ZNF770: variants seen among roughly 807,000 people sequenced by gnomAD.
The protein encoded by ZNF770 is zinc finger protein 770.
ZNF770 carries 13 observed loss-of-function variants against 44.8 expected under a neutral mutation model. The observed-to-expected ratio is 0.29, with a 90% CI of 0.19 to 0.46. The LOEUF (loss-of-function observed/expected upper bound fraction) is 0.46. Ranked by LOEUF, ZNF770 falls within the 20% of genes least tolerant of loss-of-function variation. The probability of loss-of-function intolerance (pLI) is 1.00; values close to 1 mark genes in which losing one functional copy is unlikely to be tolerated. For missense variants in ZNF770, 681 were observed against 797.9 expected (o/e 0.85, Z 1.77); for synonymous variants, 304 against 271.8 (o/e 1.12, Z -1.17).
chr15:34,981,449 G>A lies in ZNF770; in HGVS notation c.1986C>T (p.Phe662=), dbSNP rs2050400901. 6.2e-7 allele frequency: 1 copy of A among 1,614,164 alleles called. No homozygotes were observed. The highest frequency in any genetic ancestry group is 8.5e-7 in the Non-Finnish European group (1 of 1,180,034). The change falls in exon 3 of 3, where the codon TTC becomes TTT. Residue 662 remains phenylalanine, a synonymous_variant. Transcript: ENST00000356321. ...PFECSVCGKT[F]RQAPHWKRHQ... ...GTCTCTTCCAGTGAGGAGCCTGTCT[G>A]AATGTTTTGCCACAAACTGAGCATT... is the stretch of plus-strand genomic sequence containing the variant.
intron 2 of ZNF770, 58 bp from the exon 3 acceptor site, chr15:34,983,548 A>G (rs1347887094): frequency 1.0e-6 from 1 of 982,088 alleles, no homozygotes; most frequent in Non-Finnish European, 1.4e-6. Context: ...TATGAAAAGT[A>G]ACTTAAGTTG....
chr15:34,979,858 T>C lies in ZNF770; in HGVS notation c.*1501A>G. On this transcript the variant is annotated 3_prime_UTR_variant, in exon 3 of 3. Coordinates refer to ENST00000356321, the MANE Select transcript of ZNF770 (RefSeq NM_014106.4). ...CTAGAGAATGTCATTCCTGAAGATT[T>C]TATAAACAAAGGCAAATATGAAGGA... is the stretch of plus-strand genomic sequence containing the variant. 3.2e-6 allele frequency: 1 copy of C among 309,412 alleles called. No homozygotes were observed. The highest frequency in any genetic ancestry group is 6.3e-6 in the Non-Finnish European group (1 of 157,940). The allele number at this position is 309,412 out of a possible 1,614,324, so 19.2% of individuals were successfully genotyped here.
chr15:34,985,558 G>A (rs894840495), intron 2 of ZNF770, among the ~76,000 whole-genome samples: 2 of 152,118 alleles, frequency 1.3e-5, no homozygotes, highest in Non-Finnish European at 2.9e-5. Flanking sequence ...TTAATGGATT[G>A]TGAATTCAAC....
rs766204544 is a variant in ZNF770, at chr15:34,979,673, CT to C, written c.*1685del. The C allele has an allele frequency of 1.9e-3, 846 of 448,692 alleles. 4 individuals are homozygous for C. Among genetic ancestry groups the C allele is most frequent in the South Asian group, 2.6e-3 (161 of 63,128 alleles). 27.8% of individuals were successfully genotyped at this position (448,692 alleles called of 1,614,324 possible). Reference sequence around the variant, plus strand: ...ACCTACTATCCCTCCCGCCTCCCCCCTGTCAAAAGAAAGTTCTCAGTTTATG... The same window carrying C: ...ACCTACTATCCCTCCCGCCTCCCCCCGTCAAAAGAAAGTTCTCAGTTTATG... On this transcript the variant is annotated 3_prime_UTR_variant, in exon 3 of 3. Coordinates refer to ENST00000356321, the MANE Select transcript of ZNF770 (RefSeq NM_014106.4).
At chr15:34,984,664 A>G (rs1296765404) in intron 2 of ZNF770, among the ~76,000 whole-genome samples, 1 of 151,970 alleles carries the variant, frequency 6.6e-6, no homozygotes, top group Non-Finnish European at 1.5e-5. Context: ...AAAAAAAAAA[A>G]ATTCTCCTTT....
rs1422226644 is a variant in ZNF770, at chr15:34,982,594, T to C, written c.841A>G (p.Asn281Asp). ...ATTGAGTGGACATCAAGTGGATTAT[T>C]CTCCTCAGATTCACCAATCTCACCA... Reference protein sequence around the residue: ...ENGEIGESEENNPLDVHSIYI... With the variant: ...ENGEIGESEEDNPLDVHSIYI... The change falls in exon 3 of 3, where the codon AAT becomes GAT. Residue 281 changes from asparagine (N) to aspartate (D), a missense_variant. Coordinates refer to ENST00000356321, the MANE Select transcript of ZNF770 (RefSeq NM_014106.4). 1.9e-6 allele frequency: 3 copies of C among 1,613,648 alleles called. No individual in the cohort carries two copies. The highest frequency in any genetic ancestry group is 2.5e-6 in the Non-Finnish European group (3 of 1,180,004).
rs549360179 is a variant in ZNF770, at chr15:34,981,719, T to C, written c.1716A>G (p.Ser572=). 6.2e-7 allele frequency: 1 copy of C among 1,614,122 alleles called. No homozygotes were observed. The highest frequency in any genetic ancestry group is 8.5e-7 in the Non-Finnish European group (1 of 1,180,026). The stretch of plus-strand genomic sequence containing the variant: ...TAACTCCTGACATTTGATCTGACTC[T>C]GAGACCTCGTATTTTTGAACACCAG... The part of the protein sequence containing the change: ...QAPGVQKYEV[S]ESDQMSGVKA... Residue 572 remains serine, a synonymous_variant, in exon 3 of 3, where the codon TCA becomes TCG. Transcript: ENST00000356321.
rs757550139 is a variant in ZNF770, at chr15:34,982,279, C to T, written c.1156G>A (p.Val386Met). The T allele has an allele frequency of 2.8e-5, 45 of 1,613,838 alleles. No individual in the cohort carries two copies. Among genetic ancestry groups the T allele is most frequent in the Non-Finnish European group, 3.8e-5 (45 of 1,179,894 alleles). ...GTTCCATGTTTGCCAAGAGAACCCA[C>T]AAATGTTCTCTGGGTTTGTTCAGAG... is the stretch of plus-strand genomic sequence containing the variant. Reference protein sequence around the residue: ...QSSEQTQRTFVGSLGKHGTYK... With the variant: ...QSSEQTQRTFMGSLGKHGTYK... Residue 386 changes from valine (V) to methionine (M), a missense_variant, in exon 3 of 3, where the codon GTG becomes ATG. Physicochemically the swap from Val to Met is conservative, Grantham distance 21 (BLOSUM62 1). Transcript: ENST00000356321.
chr15:34,982,292 G>T lies in ZNF770; in HGVS notation c.1143C>A (p.Thr381=). 1 of 1,613,662 alleles carries T rather than the reference G, an allele frequency of 6.2e-7. No homozygotes were observed. The highest frequency in any genetic ancestry group is 2.2e-5 in the East Asian group (1 of 44,864). The change falls in exon 3 of 3, where the codon ACC becomes ACA. Residue 381 remains threonine, a synonymous_variant. Transcript: ENST00000356321. ...CAAGAGAACCCACAAATGTTCTCTGGGTTTGTTCAGAGCTCTGCTCACCAG... is the reference window on the plus strand; with the variant it reads ...CAAGAGAACCCACAAATGTTCTCTGTGTTTGTTCAGAGCTCTGCTCACCAG... ...LISGEQSSEQ[T]QRTFVGSLGK...
Position 34,982,085 on chromosome 15 carries a change from G to T in ZNF770, c.1350C>A (p.Phe450Leu), listed in dbSNP as rs753413302. The T allele has an allele frequency of 1.2e-6, 2 of 1,613,674 alleles. No individual in the cohort carries two copies. Among genetic ancestry groups the T allele is most frequent in the Non-Finnish European group, 8.5e-7 (1 of 1,180,012 alleles). ...LSICGSSGEEFFNNCEVLQCG... is the reference protein window; with the variant it reads ...LSICGSSGEELFNNCEVLQCG... ...ACTGAAGTACCTCACAGTTATTAAAGAATTCCTCACCTGATGAACCACAGA... is the reference window on the plus strand; with the variant it reads ...ACTGAAGTACCTCACAGTTATTAAATAATTCCTCACCTGATGAACCACAGA... Residue 450 changes from phenylalanine (F) to leucine (L), a missense_variant, in exon 3 of 3, where the codon TTC becomes TTA. Physicochemically the swap from Phe to Leu is conservative, Grantham distance 22 (BLOSUM62 0). Transcript: ENST00000356321.
In ZNF770 at chr15:34,982,980, C is replaced by T. The variant is rs749263120; in HGVS notation, c.455G>A (p.Ser152Asn). The T allele has an allele frequency of 2.5e-6, 4 of 1,613,148 alleles. No homozygotes were observed. Among genetic ancestry groups the T allele is most frequent in the South Asian group, 1.1e-5 (1 of 91,072 alleles). Residue 152 changes from serine to asparagine, a missense_variant, in exon 3 of 3, where the codon AGC becomes AAC. By Grantham distance (46) the Ser-to-Asn change is conservative (BLOSUM62 1). Transcript: ENST00000356321. ...HPCSKSDPMYSMKRRKNIHAC... is the reference protein window; with the variant it reads ...HPCSKSDPMYNMKRRKNIHAC... ...ATGAATATTCTTTCTTCTTTTCATG[C>T]TATACATGGGATCAGACTTAGAGCA...
rs771151068 is a variant in ZNF770, at chr15:34,983,344, T to C, written c.91A>G (p.Ile31Val). 4.3e-6 allele frequency: 7 copies of C among 1,612,322 alleles called. No individual in the cohort carries two copies. The Admixed American group carries it at 8.3e-5, about 19-fold the overall frequency. Residue 31 changes from isoleucine to valine, a missense_variant, in exon 3 of 3, where the codon ATT (isoleucine) becomes GTT (valine). Ile to Val is a conservative substitution (Grantham distance 29). This residue lies in a region of ZNF770 where 65 missense variants were observed against 115.0 expected (regional missense o/e 0.57). Coordinates refer to ENST00000356321, the MANE Select transcript of ZNF770 (RefSeq NM_014106.4). ...LPRNRPYVCN[I>V]CFKHFETPSK... The stretch of plus-strand genomic sequence containing the variant: ...GGTGTTTCAAAGTGCTTAAAACAAA[T>C]ATTGCAAACATATGGCCTGTTTCTA...
Position 34,984,359 on chromosome 15 carries a change from A to G in ZNF770, c.-56-869T>C, listed in dbSNP as rs573585404. On this transcript the variant is annotated intron_variant, in intron 2 of 2. Coordinates refer to ENST00000356321, the MANE Select transcript of ZNF770 (RefSeq NM_014106.4). Reference sequence around the variant, plus strand: ...AGATAAACCCACTGACTAAATTTACAGGTTTTAAAAATTTCTCACCTGGCG... The same window carrying G: ...AGATAAACCCACTGACTAAATTTACGGGTTTTAAAAATTTCTCACCTGGCG... Among the ~76,000 whole-genome samples the G allele has an allele frequency of 1.8e-3, 276 of 152,348 alleles. 1 individual carries two copies. Among genetic ancestry groups the G allele is most frequent in the Non-Finnish European group, 3.0e-3 (203 of 68,036 alleles).
Position 34,981,000 on chromosome 15 carries a change from A to G in ZNF770, c.*359T>C, listed in dbSNP as rs2050398076. On this transcript the variant is annotated 3_prime_UTR_variant, in exon 3 of 3. Coordinates refer to ENST00000356321, the MANE Select transcript of ZNF770 (RefSeq NM_014106.4). ...AGTTTTGCCTCTCAGTCTTTTGAGT[A>G]TATCTAAAAAGAGATGGCATGTCTT... is the stretch of plus-strand genomic sequence containing the variant. 5.4e-6 allele frequency: 1 copy of G among 183,732 alleles called. No individual in the cohort carries two copies. Among genetic ancestry groups the G allele is most frequent in the Admixed American group, 5.6e-5 (1 of 17,772 alleles). The allele number at this position is 183,732 out of a possible 1,614,324, so 11.4% of individuals were successfully genotyped here.
In ZNF770 at chr15:34,979,879, A is replaced by C. The variant is rs181827206; in HGVS notation, c.*1480T>G. On this transcript the variant is annotated 3_prime_UTR_variant, in exon 3 of 3. Coordinates refer to ENST00000356321, the MANE Select transcript of ZNF770 (RefSeq NM_014106.4). Reference sequence around the variant, plus strand: ...GATTTTATAAACAAAGGCAAATATGAAGGAAAATTTGTAATTATGAAATAA... The same window carrying C: ...GATTTTATAAACAAAGGCAAATATGCAGGAAAATTTGTAATTATGAAATAA... 3 of 302,332 alleles carry C rather than the reference A, an allele frequency of 9.9e-6. No individual in the cohort carries two copies. The highest frequency in any genetic ancestry group is 4.5e-5 in the African/African-American group (2 of 44,274). The allele number at this position is 302,332 out of a possible 1,614,324, so 18.7% of individuals were successfully genotyped here.
Position 34,981,754 on chromosome 15 carries a change from A to G in ZNF770, c.1681T>C (p.Cys561Arg). The G allele has an allele frequency of 1.9e-6, 3 of 1,614,150 alleles. No homozygotes were observed. The highest frequency in any genetic ancestry group is 1.3e-5 in the African/African-American group (1 of 75,054). The change falls in exon 3 of 3, where the codon TGT becomes CGT. Residue 561 changes from cysteine (C) to arginine (R), a missense_variant. By Grantham distance (180) the Cys-to-Arg change is radical. Around this residue, in one of 5 missense-constraint regions of ZNF770, gnomAD observed 148 missense variants for 191.0 expected, o/e 0.77. Transcript: ENST00000356321. ...NNVNYNASQQCQAPGVQKYEV... is the reference protein window; with the variant it reads ...NNVNYNASQQRQAPGVQKYEV... ...TATTTTTGAACACCAGGAGCCTGACATTGTTGGGAAGCATTATAGTTAACA... is the reference window on the plus strand; with the variant it reads ...TATTTTTGAACACCAGGAGCCTGACGTTGTTGGGAAGCATTATAGTTAACA...
chr15:34,983,051 T>C lies in ZNF770; in HGVS notation c.384A>G (p.Gly128=). ...CCTCTGTGGTAAAAGTATTATACAC[T>C]CCATACATTGACTTTTCTTGCTTGG... is the stretch of plus-strand genomic sequence containing the variant. The part of the protein sequence containing the change: ...LEAKQEKSMY[G]VYNTFTTEER... The change falls in exon 3 of 3, where the codon GGA becomes GGG. Residue 128 remains glycine (G), a synonymous_variant. Coordinates refer to ENST00000356321, the MANE Select transcript of ZNF770 (RefSeq NM_014106.4). The C allele has an allele frequency of 6.2e-7, 1 of 1,614,084 alleles. No homozygotes were observed. The highest frequency in any genetic ancestry group is 8.5e-7 in the Non-Finnish European group (1 of 1,179,970).
At position 34,986,142 on chromosome 15, in the gene ZNF770, T is replaced by C. The variant is rs186461833; in HGVS notation, c.-57+1415A>G. The stretch of plus-strand genomic sequence containing the variant: ...AGGTGAGAAAGATAGGGGCCCATAG[T>C]ATGAGACAAGATTACTAAAGAAAGC... On this transcript the variant is annotated intron_variant, in intron 2 of 2. Transcript: ENST00000356321. Among the ~76,000 whole-genome samples, 17 of 152,212 alleles carry C rather than the reference T, an allele frequency of 1.1e-4. No individual in the cohort carries two copies. The East Asian group carries it at 2.9e-3, about 26-fold the overall frequency.
intron 2 of ZNF770, among the ~76,000 whole-genome samples, chr15:34,986,323 T>TA (rs2050434111): frequency 2.0e-5 from 3 of 152,220 alleles, no homozygotes; most frequent in Admixed American, 6.5e-5. Context: ...ATATATCATA[T>TA]AACCCAGATA....
Sources: allele counts gnomAD v4.1 joint callset (sites outside exome capture counted in the v4.1 genomes callset), GRCh38; gene constraint gnomAD v4.1.1; regional missense constraint gnomAD v4.1.1; transcripts MANE v1.5; gene names NCBI Gene and HGNC (gene_info 2026-07-23, HGNC 2026-07-21).